MAOB: variants seen among roughly 807,000 people sequenced by gnomAD.
The protein encoded by MAOB is amine oxidase [flavin-containing] B.
MAOB carries 15 observed loss-of-function variants against 41.9 expected under a neutral mutation model. That is an observed-to-expected ratio of 0.36 (90% CI 0.24 to 0.55). MAOB has a LOEUF of 0.55. MAOB is among the 20% of genes least tolerant of loss of function. The probability of loss-of-function intolerance (pLI) is 0.86; values close to 1 mark genes in which losing one functional copy is unlikely to be tolerated. For missense variants in MAOB, 345 were observed against 398.7 expected, an observed-to-expected ratio of 0.87 and a Z score of 1.15; for synonymous variants, 167 against 144.2, an observed-to-expected ratio of 1.16 and a Z score of -1.13.
intron 1 of MAOB, among the ~76,000 whole-genome samples, chrX:43,881,397 G>A (rs1397226552): frequency 8.8e-6 from 1 of 113,142 alleles, no homozygotes; most frequent in Non-Finnish European, 1.9e-5. Context: ...GCCAAAGCAT[G>A]CCCAGGGGGC....
chrX:43,794,449 A>G (rs907836694), intron 7 of MAOB, among the ~76,000 whole-genome samples: 38 of 110,008 alleles, frequency 3.5e-4, no homozygotes, highest in African/African-American at 1.2e-3. Context: ...ACTATCTGAC[A>G]TACTTTATAT....
intron 1 of MAOB, 178 bp from the exon 2 acceptor site, chrX:43,843,942 C>T (rs923603441): frequency 2.5e-5 from 24 of 971,260 alleles, no homozygotes; most frequent in Admixed American, 5.1e-5. Context: ...TTTCTGGAAA[C>T]GACAAAAGGG....
Position 43,882,438 on chromosome X carries a change from G to C in MAOB, c.-139C>G. On this transcript the variant is annotated 5_prime_UTR_variant, in exon 1 of 15. Transcript: ENST00000378069. ...TGCCCCCGTGCACCAGCGCCTCGGC[G>C]AGCCGCTATATTACCAGCCCCGGGA... The C allele has an allele frequency of 3.9e-6, 4 of 1,017,593 alleles. No individual in the cohort carries two copies. The highest frequency in any genetic ancestry group is 5.0e-6 in the Non-Finnish European group (4 of 800,913). The allele number at this position is 1,017,593 out of a possible 1,213,427, so 83.9% of individuals were successfully genotyped here.
In MAOB at chrX:43,793,485, G is replaced by T. The variant is rs954304565; in HGVS notation, c.862C>A (p.Arg288Ser). 3 of 1,200,512 alleles carry T rather than the reference G, an allele frequency of 2.5e-6. No individual in the cohort carries two copies. Among genetic ancestry groups the T allele is most frequent in the Admixed American group, 2.2e-5 (1 of 45,533 alleles). Residue 288 changes from arginine to serine, a missense_variant, in exon 8 of 15, where the codon CGT becomes AGT. By Grantham distance (110) the Arg-to-Ser change is moderately radical. Coordinates refer to ENST00000378069, the MANE Select transcript of MAOB (RefSeq NM_000898.5). The part of the protein sequence containing the change: ...LPMMRNQMIT[R>S]VPLGSVIKCI... Reference sequence around the variant, plus strand: ...TTGATGACTGAACCCAAAGGCACACGAGTGATCATCTGGTTTCTCATCATT... The same window carrying T: ...TTGATGACTGAACCCAAAGGCACACTAGTGATCATCTGGTTTCTCATCATT...
intron 2 of MAOB, among the ~76,000 whole-genome samples, chrX:43,840,998 T>C (rs2035130461): frequency 9.2e-6 from 1 of 108,853 alleles, no homozygotes; most frequent in Admixed American, 9.8e-5. Context: ...CCAAGTGATC[T>C]AGCTCAGCAG....
chrX:43,853,306 A>G (rs2035266238), intron 1 of MAOB, among the ~76,000 whole-genome samples: 1 of 106,784 alleles, frequency 9.4e-6, no homozygotes, highest in Non-Finnish European at 1.9e-5. Context: ...AAAACGATGA[A>G]ATGAGAAGGA....
At chrX:43,882,112 A>G in intron 1 of MAOB, 142 bp downstream of exon 1, 1 of 1,035,291 alleles carries the variant, frequency 9.7e-7, no homozygotes, top group Non-Finnish European at 1.3e-6. Flanking sequence ...GGCGCTCTGG[A>G]CCCACTAGAG....
rs778287562 is a variant in MAOB at position 43,829,024 on chromosome X, G to T, written c.279+9844C>A. ...TACATATGAATTTGGTTTCCCTTGA[G>T]AGCCTAAATTATAGGTAACTATGAA... is the stretch of plus-strand genomic sequence containing the variant. On this transcript the variant is annotated intron_variant, in intron 3 of 14. Transcript: ENST00000378069. Among the ~76,000 whole-genome samples the T allele has an allele frequency of 2.7e-5, 3 of 111,727 alleles. No individual in the cohort carries two copies. In the East Asian group the frequency reaches 8.4e-4, roughly 31 times the overall value.
intron 5 of MAOB, among the ~76,000 whole-genome samples, chrX:43,801,472 C>T (rs2034594964): frequency 9.0e-6 from 1 of 111,218 alleles, no homozygotes; most frequent in Middle Eastern, 4.2e-3. Context: ...GCTTCCATTT[C>T]TCTTATTTTG....
At chrX:43,875,804 C>T (rs892934431) in intron 1 of MAOB, among the ~76,000 whole-genome samples, 1 of 111,163 alleles carries the variant, frequency 9.0e-6, no homozygotes, top group Non-Finnish European at 1.9e-5. Flanking sequence ...AACACTCACC[C>T]GCTTTTCAAG....
intron 14 of MAOB, among the ~76,000 whole-genome samples, chrX:43,767,973 C>T (rs1234227826): frequency 1.8e-5 from 2 of 112,265 alleles, no homozygotes; most frequent in Non-Finnish European, 3.8e-5. Flanking sequence ...ATACAGAACA[C>T]GTGTGCCATA....
At chrX:43,838,274 G>A (rs918740585) in intron 3 of MAOB, among the ~76,000 whole-genome samples, 1 of 111,396 alleles carries the variant, frequency 9.0e-6, no homozygotes, top group African/African-American at 3.3e-5. Flanking sequence ...AATGAACATA[G>A]GTATCATGGA....
chrX:43,785,960 C>T (rs986447767), intron 8 of MAOB, among the ~76,000 whole-genome samples: 41 of 111,765 alleles, frequency 3.7e-4, no homozygotes, highest in African/African-American at 1.1e-3. Context: ...GTTAGAATTA[C>T]CAAAATATGA....
At chrX:43,842,953 A>G (rs961278332) in intron 2 of MAOB, among the ~76,000 whole-genome samples, 2 of 111,427 alleles carry the variant, frequency 1.8e-5, no homozygotes, top group African/African-American at 6.5e-5. Flanking sequence ...CAGGAAGGGT[A>G]CAAAATTTTA....
At chrX:43,785,694 C>A (rs1462610270) in intron 8 of MAOB, among the ~76,000 whole-genome samples, 1 of 111,838 alleles carries the variant, frequency 8.9e-6, no homozygotes, top group African/African-American at 3.3e-5. Flanking sequence ...CTGGGGAGAC[C>A]ACTGTAGGGT....
At chrX:43,847,156 C>T (rs28667959) in intron 1 of MAOB, among the ~76,000 whole-genome samples, 6,122 of 111,114 alleles carry the variant, frequency 0.055, 326 homozygotes, top group South Asian at 0.17. Context: ...CCAGCCTGGC[C>T]AACATGGGGA....
At chrX:43,861,815 T>C (rs1471232083) in intron 1 of MAOB, among the ~76,000 whole-genome samples, 1 of 111,573 alleles carries the variant, frequency 9.0e-6, no homozygotes, top group Non-Finnish European at 1.9e-5. Flanking sequence ...CAGAAATTTC[T>C]TACATTTTAA....
chrX:43,825,302 G>A (rs1023945508), intron 3 of MAOB, among the ~76,000 whole-genome samples: 8 of 111,256 alleles, frequency 7.2e-5, no homozygotes, highest in African/African-American at 2.6e-4. Flanking sequence ...TGCTGTAAAC[G>A]TAAGCTTTAC....
At chrX:43,819,356 A>G (rs776298797) in intron 3 of MAOB, among the ~76,000 whole-genome samples, 81 of 111,515 alleles carry the variant, frequency 7.3e-4, no homozygotes, top group African/African-American at 2.5e-3. Context: ...TCCAATGACT[A>G]TCTACATGAG....
Sources: allele counts gnomAD v4.1 joint callset (sites outside exome capture counted in the v4.1 genomes callset), GRCh38; gene constraint gnomAD v4.1.1; transcripts MANE v1.5; gene names NCBI Gene and HGNC (gene_info 2026-07-23, HGNC 2026-07-21).